The following RSRC1 variants were observed in gnomAD, a reference collection of about 807,000 sequenced individuals.
The protein encoded by RSRC1 is arginine and serine rich coiled-coil 1.
A neutral mutation model predicts 49.1 loss-of-function variants in RSRC1; 39 were observed. The ratio of observed to expected loss-of-function variants is 0.79; its 90% CI spans 0.61 to 1.04. The LOEUF (loss-of-function observed/expected upper bound fraction) is 1.04. RSRC1 is among the 50% of genes least tolerant of loss of function. The pLI is 0.00. For missense variants in RSRC1, 388 were observed against 402.4 expected (o/e 0.96, Z 0.31); for synonymous variants, 143 against 130.8 (o/e 1.09, Z -0.63).
intron 4 of RSRC1, among the ~76,000 whole-genome samples, chr3:158,281,591 A>G (rs1441904358): frequency 6.6e-6 from 1 of 152,152 alleles, no homozygotes; most frequent in Non-Finnish European, 1.5e-5. Context: ...TTTTGAGAAA[A>G]TGTAGAAAAC....
chr3:158,282,623 G>T (rs905447220), intron 4 of RSRC1, among the ~76,000 whole-genome samples: 1 of 152,174 alleles, frequency 6.6e-6, no homozygotes, highest in Non-Finnish European at 1.5e-5. Context: ...CCCATTAAAT[G>T]TCAGGAAGGA....
intron 6 of RSRC1, among the ~76,000 whole-genome samples, chr3:158,441,536 A>G (rs539886273): frequency 1.3e-5 from 2 of 152,134 alleles, no homozygotes; most frequent in East Asian, 1.9e-4. Context: ...GGGTCACAAG[A>G]TGTGTTATTT....
At chr3:158,371,722 A>G (rs1560014549) in intron 6 of RSRC1, among the ~76,000 whole-genome samples, 1 of 151,952 alleles carries the variant, frequency 6.6e-6, no homozygotes, top group Non-Finnish European at 1.5e-5. Flanking sequence ...TTGGGTAAAT[A>G]CCTAAGACTA....
chr3:158,111,414 A>C (rs563308122), intron 1 of RSRC1, among the ~76,000 whole-genome samples: 20 of 152,376 alleles, frequency 1.3e-4, no homozygotes, highest in Non-Finnish European at 2.9e-4. Flanking sequence ...GGTGTTATGA[A>C]TTGGAAAAGT....
At chr3:158,405,968 A>G (rs1734143525) in intron 6 of RSRC1, among the ~76,000 whole-genome samples, 1 of 152,122 alleles carries the variant, frequency 6.6e-6, no homozygotes, top group South Asian at 2.1e-4. Context: ...GGAATTTTAC[A>G]TGAAAATTTA....
At chr3:158,393,838 T>C (rs1375472025) in intron 6 of RSRC1, among the ~76,000 whole-genome samples, 2 of 151,856 alleles carry the variant, frequency 1.3e-5, no homozygotes, top group Admixed American at 6.6e-5. Context: ...CAAAACCTGC[T>C]AGAGACACAG....
At chr3:158,225,083 A>G (rs1411814389) in intron 4 of RSRC1, among the ~76,000 whole-genome samples, 1 of 151,820 alleles carries the variant, frequency 6.6e-6, no homozygotes, top group Non-Finnish European at 1.5e-5. Flanking sequence ...CTTGACAATG[A>G]TACTGAGTTT....
At chr3:158,291,364 A>G (rs1250571710) in intron 4 of RSRC1, among the ~76,000 whole-genome samples, 1 of 152,144 alleles carries the variant, frequency 6.6e-6, no homozygotes, top group Non-Finnish European at 1.5e-5. Context: ...TTTATGGTTT[A>G]TGAGTATTTT....
intron 5 of RSRC1, among the ~76,000 whole-genome samples, chr3:158,298,371 TG>T (rs1276912999): frequency 3.3e-5 from 5 of 152,084 alleles, no homozygotes; most frequent in Non-Finnish European, 2.9e-5. Flanking sequence ...GTAGAATTTT[TG>T]GCATATCTTG....
At chr3:158,279,948 A>G (rs1233406274) in intron 4 of RSRC1, among the ~76,000 whole-genome samples, 1 of 152,250 alleles carries the variant, frequency 6.6e-6, no homozygotes, top group Non-Finnish European at 1.5e-5. Context: ...AAGACTGGTC[A>G]GCTGGTGTTA....
intron 6 of RSRC1, among the ~76,000 whole-genome samples, chr3:158,400,665 AT>A (rs1733852323): frequency 6.6e-6 from 1 of 152,112 alleles, no homozygotes; most frequent in Admixed American, 6.6e-5. Flanking sequence ...GAAAAAAGAA[AT>A]TTTTAAATAG....
intron 4 of RSRC1, among the ~76,000 whole-genome samples, chr3:158,248,833 A>G (rs1465097766): frequency 6.6e-6 from 1 of 152,056 alleles, no homozygotes; most frequent in Admixed American, 6.6e-5. Context: ...GTTTGCCTCA[A>G]GTGATCCGCC....
intron 7 of RSRC1, 84 bp downstream of exon 7, chr3:158,461,087 T>C: frequency 1.1e-6 from 1 of 924,496 alleles, no homozygotes; most frequent in Non-Finnish European, 1.6e-6. Flanking sequence ...ATCTAATGCC[T>C]TAAGGGTTAC....
chr3:158,492,689 A>G (rs1274001554), intron 7 of RSRC1, among the ~76,000 whole-genome samples: 1 of 152,200 alleles, frequency 6.6e-6, no homozygotes, highest in Non-Finnish European at 1.5e-5. Context: ...TTATCTTCTC[A>G]GTGCCATTTT....
intron 3 of RSRC1, among the ~76,000 whole-genome samples, chr3:158,134,672 T>A (rs1716249571): frequency 6.6e-6 from 1 of 152,178 alleles, no homozygotes. Flanking sequence ...AATCTTTTGA[T>A]TAGTCTGACT....
chr3:158,437,785 C>A (rs1395240988), intron 6 of RSRC1, among the ~76,000 whole-genome samples: 8 of 152,164 alleles, frequency 5.3e-5, no homozygotes, highest in African/African-American at 1.9e-4. Flanking sequence ...TCTCACCACT[C>A]CTACTCAACA....
chr3:158,422,063 T>C (rs1263422460), intron 6 of RSRC1, among the ~76,000 whole-genome samples: 2 of 41,858 alleles, frequency 4.8e-5, no homozygotes, highest in Admixed American at 6.9e-4. Context: ...AGTTTCAGTT[T>C]TTCTTTTTTA....
chr3:158,488,550 C>T (rs921276210), intron 7 of RSRC1, among the ~76,000 whole-genome samples: 1 of 152,030 alleles, frequency 6.6e-6, no homozygotes, highest in Non-Finnish European at 1.5e-5. Context: ...AAATTTTAGA[C>T]ATTAAAGAAG....
At chr3:158,244,245 T>C (rs1723758725) in intron 4 of RSRC1, among the ~76,000 whole-genome samples, 1 of 152,216 alleles carries the variant, frequency 6.6e-6, no homozygotes, top group African/African-American at 2.4e-5. Flanking sequence ...TCAGTTGATA[T>C]TGGCAATAGG....
Sources: allele counts gnomAD v4.1 joint callset (sites outside exome capture counted in the v4.1 genomes callset), GRCh38; gene constraint gnomAD v4.1.1; transcripts MANE v1.5; gene names NCBI Gene and HGNC (gene_info 2026-07-23, HGNC 2026-07-21).